Variants in AGBL4 observed in about 807,000 individuals in gnomAD.
AGBL4 encodes the protein AGBL carboxypeptidase 4.
In AGBL4, 58 loss-of-function variants were observed where a neutral mutation model predicts 66.4. The observed-to-expected ratio is 0.87, with a 90% confidence interval of 0.71 to 1.09. The LOEUF is 1.09. AGBL4 is among the 50% of genes least tolerant of loss of function. The pLI, the probability that AGBL4 is intolerant of heterozygous loss-of-function variation, is 0.00. For missense variants in AGBL4, 579 were observed against 631.0 expected, an observed-to-expected ratio of 0.92 and a Z score of 0.88; for synonymous variants, 234 against 222.9, an observed-to-expected ratio of 1.05 and a Z score of -0.44.
intron 4 of AGBL4, among the ~76,000 whole-genome samples, chr1:49,063,529 T>G (rs1275242091): frequency 1.3e-5 from 2 of 152,196 alleles, no homozygotes; most frequent in Non-Finnish European, 2.9e-5. Flanking sequence ...GTTTTGTTCA[T>G]TCATCAAACA....
intron 6 of AGBL4, among the ~76,000 whole-genome samples, chr1:48,855,699 G>A (rs1647132896): frequency 6.6e-6 from 1 of 151,682 alleles, no homozygotes; most frequent in Non-Finnish European, 1.5e-5. Context: ...TTATGGTAGA[G>A]TTATTTATAA....
intron 4 of AGBL4, among the ~76,000 whole-genome samples, chr1:49,069,994 A>G (rs12048797): frequency 0.045 from 6,874 of 151,934 alleles, 227 homozygotes; most frequent in East Asian, 0.11. Context: ...CTTTGTAGCA[A>G]TTGTGAATGG....
At chr1:49,452,524 A>G (rs1243320204) in intron 3 of AGBL4, among the ~76,000 whole-genome samples, 1 of 151,804 alleles carries the variant, frequency 6.6e-6, no homozygotes, top group Non-Finnish European at 1.5e-5. Context: ...GGGGTTCAAT[A>G]GTCTCTTAGC....
intron 3 of AGBL4, among the ~76,000 whole-genome samples, chr1:49,535,776 C>T (rs931309481): frequency 1.3e-5 from 2 of 152,174 alleles, no homozygotes; most frequent in Admixed American, 1.3e-4. Flanking sequence ...ACTGCAAGCT[C>T]GGCCTCCTGG....
In AGBL4 at chr1:49,211,721, AT is replaced by A. The variant is rs1356315716; in HGVS notation, c.377+34048del. Among the ~76,000 whole-genome samples the A allele has an allele frequency of 3.3e-5, 5 of 152,262 alleles. No individual in the cohort carries two copies. The South Asian group carries it at 6.2e-4, about 19-fold the overall frequency. Reference sequence around the variant, plus strand: ...CAAGTAGGTAGTTAACTACTCTGCAATTTAATAACTCTTATTATAATAGAGG... The same window carrying A: ...CAAGTAGGTAGTTAACTACTCTGCAATTAATAACTCTTATTATAATAGAGG... On this transcript the variant is annotated intron_variant, in intron 4 of 13. Transcript: ENST00000371839.
At chr1:49,360,925 T>A (rs376328596) in intron 3 of AGBL4, among the ~76,000 whole-genome samples, 2 of 151,978 alleles carry the variant, frequency 1.3e-5, no homozygotes, top group Admixed American at 6.6e-5. Context: ...GCTTCCCAAA[T>A]AGCTGGGATT....
At chr1:48,739,808 T>G (rs1244721019) in intron 6 of AGBL4, among the ~76,000 whole-genome samples, 2 of 152,244 alleles carry the variant, frequency 1.3e-5, no homozygotes, top group Non-Finnish European at 2.9e-5. Flanking sequence ...AATAAATGTT[T>G]TCCCTACGTT....
intron 3 of AGBL4, among the ~76,000 whole-genome samples, chr1:49,427,514 CG>C (rs1645689682): frequency 6.6e-6 from 1 of 152,106 alleles, no homozygotes; most frequent in Non-Finnish European, 1.5e-5. Context: ...AATGAAGCCA[CG>C]GACCCTTGCA....
chr1:48,759,490 GA>G, intron 6 of AGBL4: 1 of 1,036,374 alleles, frequency 9.6e-7, no homozygotes, highest in Non-Finnish European at 1.3e-6. Flanking sequence ...TCCGAGTGGG[GA>G]AGGGGCTTGC....
chr1:48,941,221 G>A (rs1053599183), intron 5 of AGBL4, among the ~76,000 whole-genome samples: 2 of 152,190 alleles, frequency 1.3e-5, no homozygotes, highest in African/African-American at 2.4e-5. Flanking sequence ...AGCTCTGAGT[G>A]TGTGAATCAA....
chr1:48,789,442 C>A (rs1217788676), intron 6 of AGBL4, among the ~76,000 whole-genome samples: 1 of 152,032 alleles, frequency 6.6e-6, no homozygotes, highest in Non-Finnish European at 1.5e-5. Flanking sequence ...GCGCCCGCCA[C>A]CACGCTTGGC....
chr1:49,344,459 G>C (rs77944687), intron 3 of AGBL4, among the ~76,000 whole-genome samples: 4,287 of 152,248 alleles, frequency 0.028, 82 homozygotes, highest in Middle Eastern at 0.065. Context: ...TGTTTTAAGT[G>C]AGATAGGATA....
At position 49,851,393 on chromosome 1, in the gene AGBL4, T is replaced by C; in HGVS notation, c.157+3A>G. On this transcript the variant is annotated splice_donor_region_variant and intron_variant, in intron 2 of 13. Coordinates refer to ENST00000371839, the MANE Select transcript of AGBL4 (RefSeq NM_032785.4). ...TAAAAGGAAAAGCCTTTAATATACT[T>C]ACCACTTTCAAAGCAAGCATCAAAG... is the stretch of plus-strand genomic sequence containing the variant. The C allele has an allele frequency of 6.5e-7, 1 of 1,546,756 alleles. No homozygotes were observed. The highest frequency in any genetic ancestry group is 8.7e-7 in the Non-Finnish European group (1 of 1,144,976).
intron 3 of AGBL4, among the ~76,000 whole-genome samples, chr1:49,283,187 C>T (rs1330275125): frequency 1.3e-5 from 2 of 152,324 alleles, no homozygotes; most frequent in Admixed American, 1.3e-4. Flanking sequence ...AACGGGCAGA[C>T]TGCCTCCTCA....
chr1:48,777,170 T>C (rs747979454), intron 6 of AGBL4, among the ~76,000 whole-genome samples: 3 of 152,074 alleles, frequency 2.0e-5, no homozygotes, highest in Non-Finnish European at 4.4e-5. Flanking sequence ...AGAGATTCAG[T>C]TGCAATAAAA....
At chr1:48,889,387 G>A (rs966814639) in intron 5 of AGBL4, among the ~76,000 whole-genome samples, 1 of 152,164 alleles carries the variant, frequency 6.6e-6, no homozygotes, top group African/African-American at 2.4e-5. Flanking sequence ...AAAAAGGTAG[G>A]GAAATGTTGG....
intron 5 of AGBL4, among the ~76,000 whole-genome samples, chr1:49,008,057 G>T (rs926677527): frequency 6.6e-6 from 1 of 152,098 alleles, no homozygotes. Context: ...TGGACTAAAT[G>T]CTCCAATAAA....
intron 11 of AGBL4, among the ~76,000 whole-genome samples, chr1:48,542,318 T>C (rs1644087313): frequency 6.6e-6 from 1 of 152,216 alleles, no homozygotes; most frequent in East Asian, 1.9e-4. Flanking sequence ...GCATGTGTCT[T>C]TATAGTAGAA....
At chr1:48,634,658 A>G (rs1032609382) in intron 8 of AGBL4, 54 bp from the exon 9 acceptor site, 1 of 1,315,606 alleles carries the variant, frequency 7.6e-7, no homozygotes, top group Non-Finnish European at 1.1e-6. Context: ...TGAGCTTCTC[A>G]CCTGTCAAAA....
Sources: gnomAD v4.1 joint callset for allele counts (sites outside exome capture counted in the v4.1 genomes callset) on GRCh38, gnomAD v4.1.1 for gene constraint, MANE v1.5 for transcripts, NCBI Gene and HGNC (gene_info 2026-07-23, HGNC 2026-07-21) for gene names.